Variants in C11orf71 observed in about 807,000 individuals in gnomAD.
C11orf71 encodes uncharacterized protein C11orf71.
For missense variants in C11orf71, 179 were observed against 167.6 expected (o/e 1.07, Z -0.38); for synonymous variants, 72 against 73.4 (o/e 0.98, Z 0.09).
Position 114,399,724 on chromosome 11 carries a change from C to G in C11orf71, c.*236G>C, listed in dbSNP as rs1252834984. On this transcript the variant is annotated 3_prime_UTR_variant, in exon 1 of 1. Coordinates refer to ENST00000623205, the MANE Select transcript of C11orf71 (RefSeq NM_001271562.2). ...TCCCATCAGCTCAGCTTTGTGACGA[C>G]CTAAGAATATCCCTTCCACACCTTT... The G allele has an allele frequency of 1.2e-5, 7 of 593,606 alleles. No homozygotes were observed. Among genetic ancestry groups the G allele is most frequent in the Non-Finnish European group, 1.6e-5 (6 of 363,972 alleles). 36.8% of individuals were successfully genotyped at this position (593,606 alleles called of 1,614,324 possible).
In C11orf71 at chr11:114,400,244, C is replaced by A. The variant is rs373835784; in HGVS notation, c.88G>T (p.Ala30Ser). ...CCGGAGACCATCGCCAACGCTGACG[C>A]CCGCGGTCTGAGGTCGCCATGGGAA... ...RSSHGDLRPR[A>S]SALAMVSGDG... The change falls in exon 1 of 1, where the codon GCG becomes TCG. Residue 30 changes from alanine (A) to serine (S), a missense_variant. Physicochemically the swap from Ala to Ser is moderately conservative, Grantham distance 99. Transcript: ENST00000623205. 6.2e-7 allele frequency: 1 copy of A among 1,611,340 alleles called. No individual in the cohort carries two copies. The highest frequency in any genetic ancestry group is 1.7e-5 in the Admixed American group (1 of 59,570).
downstream of C11orf71, among the ~76,000 whole-genome samples, chr11:114,395,474 A>G (rs866206445): frequency 6.6e-6 from 1 of 152,178 alleles, no homozygotes; most frequent in African/African-American, 2.4e-5. Flanking sequence ...GAAAGTCTGA[A>G]ATGTTTTTGG....
chr11:114,399,902 A>G lies in C11orf71; in HGVS notation c.*58T>C. 6.6e-7 allele frequency: 1 copy of G among 1,509,900 alleles called. No homozygotes were observed. The highest frequency in any genetic ancestry group is 8.8e-7 in the Non-Finnish European group (1 of 1,131,628). 93.5% of individuals were successfully genotyped at this position (1,509,900 alleles called of 1,614,324 possible). A position where few individuals can be genotyped will look rare whatever the true frequency, so the allele number is the denominator to read the frequency against. On this transcript the variant is annotated 3_prime_UTR_variant, in exon 1 of 1. Transcript: ENST00000623205. ...CAACACGATTGCTGCTACACCAAGA[A>G]AGGATTTTAAAAAGGCCTGTTCACA...
chr11:114,398,115 C>T (rs538524090), downstream of C11orf71, among the ~76,000 whole-genome samples: 2 of 152,274 alleles, frequency 1.3e-5, no homozygotes, highest in Admixed American at 6.5e-5. Flanking sequence ...CACTACTAGG[C>T]ATCTCTAAGT....
downstream of C11orf71, among the ~76,000 whole-genome samples, chr11:114,394,282 CTT>C (rs201371650): frequency 4.3e-3 from 293 of 68,706 alleles, 26 homozygotes; most frequent in African/African-American, 0.02. Context: ...CTTTTCTTTT[CTT>C]TTCTCTTATT....
chr11:114,398,261 C>T (rs916406248), downstream of C11orf71, among the ~76,000 whole-genome samples: 9 of 152,088 alleles, frequency 5.9e-5, no homozygotes, highest in Non-Finnish European at 1.3e-4. Flanking sequence ...TTGTATATTA[C>T]AAACTAACTT....
chr11:114,394,272 CT>C (rs1169804475), downstream of C11orf71, among the ~76,000 whole-genome samples: 17 of 64,550 alleles, frequency 2.6e-4, no homozygotes, highest in African/African-American at 7.8e-4. Context: ...CTTTTCTTTT[CT>C]TTTCTTTTCT....
intron 1 of C11orf71, chr11:114,391,716 C>CA: frequency 2.7e-6 from 2 of 735,508 alleles, no homozygotes; most frequent in Admixed American, 3.3e-5. Flanking sequence ...TGGTGGTAAC[C>CA]AAAAATGCAT....
At chr11:114,393,874 T>C (rs901704653), downstream of C11orf71, among the ~76,000 whole-genome samples, 1 of 152,226 alleles carries the variant, frequency 6.6e-6, no homozygotes, top group African/African-American at 2.4e-5. Flanking sequence ...GTCTAAAATA[T>C]TTACTACCTA....
intron 1 of C11orf71, among the ~76,000 whole-genome samples, chr11:114,392,333 T>G (rs566528273): frequency 6.6e-6 from 1 of 151,780 alleles, no homozygotes; most frequent in Non-Finnish European, 1.5e-5. Flanking sequence ...AGGTTAGGAC[T>G]TCGAGACCAG....
rs752629076 is a variant in C11orf71, at chr11:114,400,052, T to C, written c.280A>G (p.Ile94Val). The C allele has an allele frequency of 1.2e-6, 2 of 1,613,742 alleles. No homozygotes were observed. Among genetic ancestry groups the C allele is most frequent in the South Asian group, 2.2e-5 (2 of 91,058 alleles). The change falls in exon 1 of 1, where the codon ATC (isoleucine) becomes GTC (valine). Residue 94 changes from isoleucine to valine, a missense_variant. By Grantham distance (29) the Ile-to-Val change is conservative. Transcript: ENST00000623205. ...SRQARFSPYP[I>V]PAVEPDLLRS... ...AGGAGATCGGGTTCAACGGCAGGGA[T>C]TGGGTAAGGTGAGAATCTGGCTTGG...
At chr11:114,391,645 G>A in exon 2 of C11orf71, 1 of 1,506,116 alleles carries the variant, frequency 6.6e-7, no homozygotes, top group Non-Finnish European at 9.0e-7. Context: ...GACTCAGATA[G>A]CTTCAGGGTC....
At chr11:114,394,233 T>C (rs143012268), downstream of C11orf71, among the ~76,000 whole-genome samples, 1,189 of 37,342 alleles carry the variant, frequency 0.032, 28 homozygotes, top group East Asian at 0.098. Context: ...CTTTTCTTTC[T>C]TTTCTTTTCT....
chr11:114,395,305 A>C (rs1411649756), downstream of C11orf71, among the ~76,000 whole-genome samples: 1 of 152,180 alleles, frequency 6.6e-6, no homozygotes, highest in Non-Finnish European at 1.5e-5. Context: ...TGTTCTTTGA[A>C]TGTAAGGAGC....
downstream of C11orf71, among the ~76,000 whole-genome samples, chr11:114,394,247 CTTTTCTTTTCTT>C (rs1946105337): frequency 1.7e-5 from 1 of 60,594 alleles, no homozygotes; most frequent in Non-Finnish European, 2.8e-5. Flanking sequence ...CTTTTCTTTT[CTTTTCTTTTCTT>C]TTCTTTTCTT....
At chr11:114,394,229 T>TCTTCTCTTCTCTTCTC, downstream of C11orf71, among the ~76,000 whole-genome samples, 1 of 5,054 alleles carries the variant, frequency 2.0e-4, no homozygotes, top group Admixed American at 3.5e-3. Flanking sequence ...TTTTCTTTTC[T>TCTTCTCTTCTCTTCTC]TTCTTTTCTT....
At chr11:114,391,702 G>T in intron 1 of C11orf71, 1 of 969,606 alleles carries the variant, frequency 1.0e-6, no homozygotes, top group Non-Finnish European at 1.5e-6. Context: ...AAGATGGCAG[G>T]GAGTGGTGGT....
At chr11:114,396,703 T>A (rs540517115), downstream of C11orf71, among the ~76,000 whole-genome samples, 4 of 152,220 alleles carry the variant, frequency 2.6e-5, no homozygotes, top group African/African-American at 4.8e-5. Flanking sequence ...CAAACATACA[T>A]TTTGTTGGCT....
At chr11:114,394,219 T>TTTCCTTTCCTTTCCTTTCCTTTCCTTTCC (rs1565256453), downstream of C11orf71, among the ~76,000 whole-genome samples, 6 of 41,128 alleles carry the variant, frequency 1.5e-4, no homozygotes, top group African/African-American at 1.2e-4. Context: ...TTTTCTTTTC[T>TTTCCTTTCCTTTCCTTTCCTTTCCTTTCC]TTTCTTTTCT....
Sources: gnomAD v4.1 joint callset for allele counts (sites outside exome capture counted in the v4.1 genomes callset) on GRCh38, gnomAD v4.1.1 for gene constraint, MANE v1.5 for transcripts, NCBI Gene and HGNC (gene_info 2026-07-23, HGNC 2026-07-21) for gene names.